The following RIT2 variants were observed in gnomAD, a reference collection of about 807,000 sequenced individuals.
RIT2 encodes the protein Ras like without CAAX 2.
A neutral mutation model predicts 23.7 loss-of-function variants in RIT2; 24 were observed. That is an observed-to-expected ratio of 1.01 (90% CI 0.73 to 1.43). RIT2 has a LOEUF of 1.43. Among genes scored for constraint, RIT2 ranks in the 40% most tolerant of loss-of-function variants. RIT2 has a pLI of 0.00. For synonymous variants in RIT2, 107 were observed against 91.1 expected (o/e 1.17, Z -0.99); for missense variants, 236 against 266.9 (o/e 0.88, Z 0.81).
At chr18:42,938,612 C>T (rs1371325361) in intron 3 of RIT2, among the ~76,000 whole-genome samples, 1 of 152,040 alleles carries the variant, frequency 6.6e-6, no homozygotes, top group Admixed American at 6.6e-5. Context: ...CTGCCTACTC[C>T]AATGTTAGAA....
chr18:42,813,837 C>T (rs759116056), intron 4 of RIT2, among the ~76,000 whole-genome samples: 16 of 152,182 alleles, frequency 1.1e-4, no homozygotes, highest in Admixed American at 5.2e-4. Context: ...GACCCACAGA[C>T]GCTCTGAAGG....
At chr18:42,861,431 C>T (rs1398854624) in intron 4 of RIT2, among the ~76,000 whole-genome samples, 1 of 152,214 alleles carries the variant, frequency 6.6e-6, no homozygotes, top group Non-Finnish European at 1.5e-5. Context: ...TGCCAGATGA[C>T]TCAACTTCCC....
intron 2 of RIT2, among the ~76,000 whole-genome samples, chr18:43,031,068 A>ATACCAT: frequency 6.6e-6 from 1 of 151,648 alleles, no homozygotes; most frequent in African/African-American, 2.4e-5. Context: ...CCTACATATT[A>ATACCAT]TACCATTTGC....
chr18:42,977,696 T>A (rs879215), intron 2 of RIT2, among the ~76,000 whole-genome samples: 1 of 150,944 alleles, frequency 6.6e-6, no homozygotes, highest in East Asian at 2.0e-4. Flanking sequence ...TATAAACACA[T>A]ATATACAATG....
chr18:42,756,456 G>C lies in RIT2; in HGVS notation c.427-12736C>G, dbSNP rs572688740. Among the ~76,000 whole-genome samples the C allele has an allele frequency of 3.3e-5, 5 of 152,214 alleles. No homozygotes were observed. The East Asian group carries it at 9.7e-4, about 29-fold the overall frequency. Reference sequence around the variant, plus strand: ...CCCAGAAGCTCTGGTGTGCAGGGGGGAAAGGTTGCCATGGCAGCCAGTAGT... The same window carrying C: ...CCCAGAAGCTCTGGTGTGCAGGGGGCAAAGGTTGCCATGGCAGCCAGTAGT... On this transcript the variant is annotated intron_variant, in intron 4 of 4. Transcript: ENST00000326695.
chr18:43,013,304 TATAGC>T (rs1911394417), intron 2 of RIT2, among the ~76,000 whole-genome samples: 1 of 151,862 alleles, frequency 6.6e-6, no homozygotes, highest in Non-Finnish European at 1.5e-5. Context: ...AAACATGAAC[TATAGC>T]TTGATAGCTA....
chr18:42,846,762 G>T lies in RIT2; in HGVS notation c.426+76810C>A, dbSNP rs1210505073. Among the ~76,000 whole-genome samples the T allele has an allele frequency of 2.6e-5, 4 of 151,922 alleles. No individual in the cohort carries two copies. In the East Asian group the frequency reaches 7.7e-4, roughly 29 times the overall value. On this transcript the variant is annotated intron_variant, in intron 4 of 4. Coordinates refer to ENST00000326695, the MANE Select transcript of RIT2 (RefSeq NM_002930.4). ...ATGTAAAAATATTTAATTAACAAAG[G>T]ATAAAAAGGAACGCTTCAAATTTAT...
chr18:42,847,382 T>C (rs756475213), intron 4 of RIT2, among the ~76,000 whole-genome samples: 5 of 152,112 alleles, frequency 3.3e-5, no homozygotes, highest in Non-Finnish European at 7.4e-5. Context: ...ACTGCAGAAC[T>C]AAATTGTCTT....
chr18:42,937,416 T>G (rs1909488108), intron 3 of RIT2, among the ~76,000 whole-genome samples: 1 of 152,150 alleles, frequency 6.6e-6, no homozygotes, highest in African/African-American at 2.4e-5. Context: ...ATTATCCAAG[T>G]GATTCAAAAA....
rs56258843 is a variant in RIT2, at chr18:43,076,529, G to GA, written c.103+38887dup. Among the ~76,000 whole-genome samples the GA allele has an allele frequency of 4.0e-5, 6 of 149,630 alleles. No individual in the cohort carries two copies. The East Asian group carries it at 5.8e-4, about 15-fold the overall frequency. ...GGAAAGAGGAGTGTAGGGGTGACCA[G>GA]AAAAAAAAAGGTATAATATGAAATA... On this transcript the variant is annotated intron_variant, in intron 1 of 4. Transcript: ENST00000326695.
At position 42,861,037 on chromosome 18, in the gene RIT2, C is replaced by T. The variant is rs139396419; in HGVS notation, c.426+62535G>A. Among the ~76,000 whole-genome samples the T allele has an allele frequency of 4.6e-5, 7 of 152,244 alleles. No homozygotes were observed. The East Asian group carries it at 1.3e-3, about 29-fold the overall frequency. On this transcript the variant is annotated intron_variant, in intron 4 of 4. Coordinates refer to ENST00000326695, the MANE Select transcript of RIT2 (RefSeq NM_002930.4). ...CAAATGTATGGACAAGATGCAGCTT[C>T]TTTACTTTGTTTATAACAGACCTGA...
At chr18:42,771,606 G>T (rs1393287138) in intron 4 of RIT2, among the ~76,000 whole-genome samples, 1 of 152,086 alleles carries the variant, frequency 6.6e-6, no homozygotes, top group Admixed American at 6.6e-5. Context: ...ATCATGAATG[G>T]ATTGATTTGA....
intron 4 of RIT2, among the ~76,000 whole-genome samples, chr18:42,769,689 A>G (rs1482260478): frequency 6.6e-6 from 1 of 151,962 alleles, no homozygotes; most frequent in African/African-American, 2.4e-5. Context: ...GGGCCACTCT[A>G]TCTATGATTC....
chr18:42,947,165 G>T (rs183379770), intron 3 of RIT2, among the ~76,000 whole-genome samples: 9 of 152,184 alleles, frequency 5.9e-5, no homozygotes, highest in African/African-American at 2.2e-4. Context: ...TGGATATGGG[G>T]AAAACTGACC....
intron 4 of RIT2, among the ~76,000 whole-genome samples, chr18:42,755,513 G>A (rs891021124): frequency 6.6e-6 from 1 of 151,888 alleles, no homozygotes; most frequent in African/African-American, 2.4e-5. Context: ...CCCCACTAAT[G>A]CCATCCCATT....
chr18:42,867,496 GA>G (rs1176838681), intron 4 of RIT2, among the ~76,000 whole-genome samples: 5 of 151,936 alleles, frequency 3.3e-5, no homozygotes, highest in South Asian at 2.1e-4. Flanking sequence ...GGTGATTGGG[GA>G]AAAAAATGCT....
chr18:42,783,046 A>G (rs1380243104), intron 4 of RIT2, among the ~76,000 whole-genome samples: 1 of 152,118 alleles, frequency 6.6e-6, no homozygotes, highest in African/African-American at 2.4e-5. Context: ...CTCAATTTGT[A>G]CTACAAAGTC....
At chr18:42,825,326 A>G (rs912486599) in intron 4 of RIT2, among the ~76,000 whole-genome samples, 3 of 151,862 alleles carry the variant, frequency 2.0e-5, no homozygotes, top group South Asian at 4.1e-4. Flanking sequence ...AGCTTTTAAC[A>G]GACAGTGTTA....
chr18:43,017,209 C>T (rs1280453692), intron 2 of RIT2, among the ~76,000 whole-genome samples: 2 of 151,944 alleles, frequency 1.3e-5, no homozygotes, highest in Non-Finnish European at 2.9e-5. Flanking sequence ...GAGGCAAATG[C>T]ACACTTTGTT....
Sources: gnomAD v4.1 joint callset for allele counts (sites outside exome capture counted in the v4.1 genomes callset) on GRCh38, gnomAD v4.1.1 for gene constraint, MANE v1.5 for transcripts, NCBI Gene and HGNC (gene_info 2026-07-23, HGNC 2026-07-21) for gene names.